CCDC68: variants seen among roughly 807,000 people sequenced by gnomAD.
CCDC68 encodes the protein coiled-coil domain-containing protein 68.
In CCDC68, 45 loss-of-function variants were observed where a neutral mutation model predicts 47.1. The ratio of observed to expected loss-of-function variants is 0.96; its 90% CI spans 0.75 to 1.23. CCDC68 has a LOEUF of 1.23. Among genes scored for constraint, CCDC68 ranks in the 50% most tolerant of loss-of-function variants. CCDC68 has a pLI of 0.00. For synonymous variants in CCDC68, 131 were observed against 129.5 expected (o/e 1.01, Z -0.08); for missense variants, 353 against 373.6 (o/e 0.94, Z 0.45).
intron 1 of CCDC68, among the ~76,000 whole-genome samples, chr18:54,951,593 C>A (rs1033762256): frequency 1.3e-5 from 2 of 152,180 alleles, no homozygotes; most frequent in Admixed American, 6.5e-5. Flanking sequence ...TCTAACTTAC[C>A]ACTTTGCCTC....
intron 1 of CCDC68, among the ~76,000 whole-genome samples, chr18:54,947,093 A>T (rs2044541375): frequency 6.6e-6 from 1 of 152,234 alleles, no homozygotes; most frequent in South Asian, 2.1e-4. Context: ...GCGAAGTCCA[A>T]ATTGCCATAT....
intron 10 of CCDC68, among the ~76,000 whole-genome samples, chr18:54,913,865 C>G (rs1172678508): frequency 6.6e-6 from 1 of 152,116 alleles, no homozygotes; most frequent in Non-Finnish European, 1.5e-5. Context: ...AATTGAATCA[C>G]TATGGCTCAA....
chr18:54,913,418 A>C (rs1047100108), intron 10 of CCDC68, among the ~76,000 whole-genome samples: 2 of 152,196 alleles, frequency 1.3e-5, no homozygotes, highest in Admixed American at 1.3e-4. Context: ...GTGACCTTAA[A>C]TTTGCAGTGC....
At chr18:54,920,864 C>T (rs759133275) in intron 8 of CCDC68, among the ~76,000 whole-genome samples, 75 of 152,228 alleles carry the variant, frequency 4.9e-4, no homozygotes, top group South Asian at 1.5e-3. Context: ...AAAGGAAAAC[C>T]GATCATTCTA....
At chr18:54,956,769 T>C (rs1409302335) in intron 1 of CCDC68, among the ~76,000 whole-genome samples, 1 of 152,186 alleles carries the variant, frequency 6.6e-6, no homozygotes, top group Non-Finnish European at 1.5e-5. Context: ...CGGTGAGTGA[T>C]TGCAAACAGG....
chr18:54,921,659 C>CA lies in CCDC68; in HGVS notation c.684-2284_684-2283insT, dbSNP rs1221567290. 2.6e-5 allele frequency among the ~76,000 whole-genome samples: 4 copies of CA among 152,348 alleles called. No homozygotes were observed. The East Asian group carries it at 5.8e-4, about 22-fold the overall frequency. On this transcript the variant is annotated intron_variant, in intron 8 of 11. Coordinates refer to ENST00000591504, the MANE Select transcript of CCDC68 (RefSeq NM_025214.3). ...ACAAGAACACGCGTCAAGCGTGCTA[C>CA]TCTGTTTTAGATGATAATCGGAAAC...
chr18:54,929,287 A>G (rs1245051110), intron 7 of CCDC68, among the ~76,000 whole-genome samples: 1 of 152,194 alleles, frequency 6.6e-6, no homozygotes, highest in Admixed American at 6.5e-5. Flanking sequence ...CAAGGACACT[A>G]GATACCTCTA....
chr18:54,929,647 A>C (rs1411550985), intron 7 of CCDC68, among the ~76,000 whole-genome samples: 1 of 152,192 alleles, frequency 6.6e-6, no homozygotes, highest in Non-Finnish European at 1.5e-5. Context: ...GAAAAAAGGC[A>C]GGAATTGGTA....
chr18:54,952,719 TAAG>T (rs1486591681), intron 1 of CCDC68, among the ~76,000 whole-genome samples: 1 of 152,022 alleles, frequency 6.6e-6, no homozygotes, highest in Non-Finnish European at 1.5e-5. Flanking sequence ...AACTCCTCAT[TAAG>T]AAGGAATGGA....
rs910042446 is a variant in CCDC68, at chr18:54,903,702, A to T, written c.*656T>A. 1 of 152,218 alleles carries T rather than the reference A, an allele frequency of 6.6e-6. No homozygotes were observed. The highest frequency in any genetic ancestry group is 1.5e-5 in the Non-Finnish European group (1 of 68,048). 9.4% of individuals were successfully genotyped at this position (152,218 alleles called of 1,614,324 possible). A position where few individuals can be genotyped will look rare whatever the true frequency, so the allele number is the denominator to read the frequency against. Reference sequence around the variant, plus strand: ...TTTTAATCCCAGAACTAAGAAGAACAGTCATTCTCTGATGTGTGGTGAGGC... The same window carrying T: ...TTTTAATCCCAGAACTAAGAAGAACTGTCATTCTCTGATGTGTGGTGAGGC... On this transcript the variant is annotated 3_prime_UTR_variant, in exon 12 of 12. Transcript: ENST00000591504.
At chr18:54,910,696 C>T (rs560069348) in intron 10 of CCDC68, among the ~76,000 whole-genome samples, 2 of 152,356 alleles carry the variant, frequency 1.3e-5, no homozygotes, top group Non-Finnish European at 2.9e-5. Flanking sequence ...CTGCCCTCAG[C>T]ACCCCCTTGG....
chr18:54,928,925 A>G lies in CCDC68; in HGVS notation c.601-43T>C, dbSNP rs541408699. The G allele has an allele frequency of 1.5e-4, 166 of 1,110,600 alleles. 2 individuals carry two copies. In the South Asian group the frequency reaches 2.0e-3, roughly 14 times the overall value. The allele number at this position is 1,110,600 out of a possible 1,614,324, so 68.8% of individuals were successfully genotyped here. ...ACAAATTTTGCTAAACTGCATGTGT[A>G]TGTTTGGTAAGGCCTTCCTCTTGTC... On this transcript the variant is annotated intron_variant, in intron 7 of 11. Transcript: ENST00000591504.
intron 10 of CCDC68, among the ~76,000 whole-genome samples, chr18:54,913,040 C>A (rs577881492): frequency 6.6e-6 from 1 of 152,208 alleles, no homozygotes; most frequent in African/African-American, 2.4e-5. Flanking sequence ...ACCATATCAC[C>A]CAAATACCCA....
At chr18:54,919,076 G>A (rs922968283) in intron 9 of CCDC68, among the ~76,000 whole-genome samples, 195 bp downstream of exon 9, 2 of 152,124 alleles carry the variant, frequency 1.3e-5, no homozygotes, top group Admixed American at 6.5e-5. Flanking sequence ...TATCTTCATC[G>A]AGAGCATTAC....
chr18:54,945,526 T>A (rs1252102614), intron 1 of CCDC68, 49 bp from the exon 2 acceptor site: 1 of 149,058 alleles, frequency 6.7e-6, no homozygotes, highest in African/African-American at 2.4e-5. Context: ...CTAACAGTTG[T>A]GAGCTAGGCT....
chr18:54,916,071 G>A lies in CCDC68; in HGVS notation c.873+1842C>T, dbSNP rs374633338. On this transcript the variant is annotated intron_variant, in intron 10 of 11. Coordinates refer to ENST00000591504, the MANE Select transcript of CCDC68 (RefSeq NM_025214.3). Reference sequence around the variant, plus strand: ...CTTTAGAGAACATTTCATACAAGGGGACTCCACTGTGACATGAATCACATA... The same window carrying A: ...CTTTAGAGAACATTTCATACAAGGGAACTCCACTGTGACATGAATCACATA... 1.4e-3 allele frequency among the ~76,000 whole-genome samples: 211 copies of A among 152,256 alleles called. No homozygotes were observed. In the South Asian group the frequency reaches 0.016, roughly 11 times the overall value.
At position 54,905,300 on chromosome 18, in the gene CCDC68, A is replaced by C. The variant is rs890190653; in HGVS notation, c.951-885T>G. ...AAAGGAAGTGGAGGGGAGGGGAGGGACTAGTTGGGAAGAGGGGAGGGGAAA... is the reference window on the plus strand; with the variant it reads ...AAAGGAAGTGGAGGGGAGGGGAGGGCCTAGTTGGGAAGAGGGGAGGGGAAA... On this transcript the variant is annotated intron_variant, in intron 11 of 11. Coordinates refer to ENST00000591504, the MANE Select transcript of CCDC68 (RefSeq NM_025214.3). 2.1e-5 allele frequency among the ~76,000 whole-genome samples: 3 copies of C among 142,258 alleles called. 1 individual carries two copies. The highest frequency in any genetic ancestry group is 4.6e-5 in the Non-Finnish European group (3 of 65,566). 93.3% of individuals were successfully genotyped at this position (142,258 alleles called of 152,430 possible).
At chr18:54,938,422 T>C (rs777608558) in intron 4 of CCDC68, among the ~76,000 whole-genome samples, 4 of 152,246 alleles carry the variant, frequency 2.6e-5, no homozygotes, top group Non-Finnish European at 5.9e-5. Context: ...AAATCTAAGT[T>C]GTGGACATAA....
intron 2 of CCDC68, 54 bp downstream of exon 2, chr18:54,945,334 C>T (rs1363025389): frequency 6.6e-6 from 1 of 152,010 alleles, no homozygotes; most frequent in Non-Finnish European, 1.5e-5. Flanking sequence ...GATTATTAAT[C>T]CTATGTTACT....
Sources: gnomAD v4.1 joint callset for allele counts (sites outside exome capture counted in the v4.1 genomes callset) on GRCh38, gnomAD v4.1.1 for gene constraint, MANE v1.5 for transcripts, NCBI Gene and HGNC (gene_info 2026-07-23, HGNC 2026-07-21) for gene names.